The following CAP2 variants were observed in gnomAD, a reference collection of about 807,000 sequenced individuals.
CAP2 encodes cyclase associated actin cytoskeleton regulatory protein 2, also known as adenylyl cyclase-associated protein 2.
Under a neutral mutation model 57.7 loss-of-function variants are expected in CAP2, and 24 were observed. The ratio of observed to expected loss-of-function variants is 0.42; its 90% CI spans 0.30 to 0.58. The LOEUF (loss-of-function observed/expected upper bound fraction) is 0.58. Ranked by LOEUF, CAP2 falls within the 20% of genes least tolerant of loss-of-function variation. CAP2 has a pLI of 0.22. For missense variants in CAP2, 501 were observed against 590.3 expected (o/e 0.85, Z 1.57); for synonymous variants, 194 against 207.2 (o/e 0.94, Z 0.55).
intron 6 of CAP2, among the ~76,000 whole-genome samples, chr6:17,511,635 G>C (rs1012240701): frequency 1.3e-5 from 2 of 152,024 alleles, no homozygotes; most frequent in African/African-American, 4.8e-5. Flanking sequence ...TGCATTTTTA[G>C]TGGAGACGGA....
intron 7 of CAP2, among the ~76,000 whole-genome samples, chr6:17,532,765 A>C (rs1762678230): frequency 7.5e-6 from 1 of 134,132 alleles, no homozygotes; most frequent in South Asian, 2.5e-4. Context: ...ACACACACAA[A>C]AAAAACTGGA....
Position 17,556,460 on chromosome 6 carries a change from C to T in CAP2, c.*18C>T, listed in dbSNP as rs575654265. 5 of 1,546,230 alleles carry T rather than the reference C, an allele frequency of 3.2e-6. No homozygotes were observed. In the South Asian group the frequency reaches 5.6e-5, roughly 17 times the overall value. On this transcript the variant is annotated 3_prime_UTR_variant, in exon 13 of 13. Transcript: ENST00000229922. ...TGGCCTAACTTCCTGAGAGACCGAA[C>T]CCCCTCACCTGAATCCCCCTCTATC...
intron 1 of CAP2, among the ~76,000 whole-genome samples, chr6:17,417,325 G>T (rs1221346483): frequency 6.7e-6 from 1 of 149,514 alleles, no homozygotes; most frequent in African/African-American, 2.5e-5. Context: ...ACTCAGGCTG[G>T]AGTGCAGTGG....
At chr6:17,536,893 C>T (rs1224030535) in intron 7 of CAP2, among the ~76,000 whole-genome samples, 5 of 152,144 alleles carry the variant, frequency 3.3e-5, no homozygotes, top group Non-Finnish European at 7.4e-5. Context: ...AGAGCAAATT[C>T]TCAAATTTTA....
intron 2 of CAP2, among the ~76,000 whole-genome samples, chr6:17,425,520 CTGTT>C (rs903608820): frequency 6.6e-6 from 1 of 152,120 alleles, no homozygotes; most frequent in African/African-American, 2.4e-5. Flanking sequence ...ATCTTGGTAA[CTGTT>C]TGTAAGGTCA....
rs1759275115 is a variant in CAP2 at position 17,416,361 on chromosome 6, A to G, written c.-1-5194A>G. Among the ~76,000 whole-genome samples, 3 of 152,152 alleles carry G rather than the reference A, an allele frequency of 2.0e-5. No homozygotes were observed. The South Asian group carries it at 6.2e-4, about 32-fold the overall frequency. On this transcript the variant is annotated intron_variant, in intron 1 of 12. Coordinates refer to ENST00000229922, the MANE Select transcript of CAP2 (RefSeq NM_006366.3). ...TGGGATGACTTAATAGCTGCAGCGA[A>G]CGTTCATTATGACCATGTTCCAGAC...
At chr6:17,541,742 G>A (rs566535243) in intron 9 of CAP2, among the ~76,000 whole-genome samples, 4 of 152,108 alleles carry the variant, frequency 2.6e-5, no homozygotes, top group Admixed American at 1.3e-4. Flanking sequence ...CTCTGCTGTC[G>A]AATTAGAATT....
At chr6:17,456,067 A>G (rs1199217384) in intron 3 of CAP2, among the ~76,000 whole-genome samples, 2 of 152,254 alleles carry the variant, frequency 1.3e-5, no homozygotes, top group African/African-American at 2.4e-5. Context: ...TATATGAGGT[A>G]TCATTTAGGC....
intron 3 of CAP2, among the ~76,000 whole-genome samples, chr6:17,430,811 A>G (rs1276498542): frequency 1.3e-5 from 2 of 152,226 alleles, no homozygotes; most frequent in African/African-American, 2.4e-5. Context: ...TGCTGGGATT[A>G]TAGGCGTGAG....
At chr6:17,401,552 C>T (rs974441212) in intron 1 of CAP2, among the ~76,000 whole-genome samples, 8 of 152,100 alleles carry the variant, frequency 5.3e-5, no homozygotes, top group Admixed American at 4.6e-4. Flanking sequence ...GCAGGAAAAC[C>T]AAATGTCTGG....
chr6:17,494,557 A>AC (rs1182412130), intron 4 of CAP2, among the ~76,000 whole-genome samples: 1 of 151,096 alleles, frequency 6.6e-6, no homozygotes, highest in Non-Finnish European at 1.5e-5. Context: ...GTGGGAACCC[A>AC]CCCCCCATAT....
intron 4 of CAP2, among the ~76,000 whole-genome samples, chr6:17,471,599 G>C (rs1410368197): frequency 6.6e-6 from 1 of 152,170 alleles, no homozygotes; most frequent in Non-Finnish European, 1.5e-5. Context: ...TTGGGAGTCC[G>C]AGGCGGGCGG....
chr6:17,398,940 GT>G (rs1193249896), intron 1 of CAP2, among the ~76,000 whole-genome samples: 5 of 152,236 alleles, frequency 3.3e-5, no homozygotes, highest in Non-Finnish European at 7.4e-5. Context: ...CTGAAACTTT[GT>G]ACCCACTAAA....
chr6:17,537,899 T>C (rs1762810487), intron 7 of CAP2, among the ~76,000 whole-genome samples: 1 of 152,006 alleles, frequency 6.6e-6, no homozygotes, highest in Non-Finnish European at 1.5e-5. Context: ...AAACCCTGTG[T>C]CTACTAAAGA....
At chr6:17,485,877 G>C (rs1323509279) in intron 4 of CAP2, among the ~76,000 whole-genome samples, 4 of 152,210 alleles carry the variant, frequency 2.6e-5, no homozygotes, top group African/African-American at 9.6e-5. Context: ...CTGAGGATGA[G>C]GAGGGGAAGG....
chr6:17,467,827 CTTCG>C (rs1760908804), intron 4 of CAP2, among the ~76,000 whole-genome samples: 1 of 152,114 alleles, frequency 6.6e-6, no homozygotes, highest in Non-Finnish European at 1.5e-5. Flanking sequence ...CCGGCCTACT[CTTCG>C]TTATTTTAAA....
chr6:17,554,100 T>G (rs1419767871), intron 12 of CAP2, among the ~76,000 whole-genome samples: 1 of 152,178 alleles, frequency 6.6e-6, no homozygotes, highest in South Asian at 2.1e-4. Flanking sequence ...CCTTTTATTT[T>G]ATTTATTTGT....
At chr6:17,515,159 T>C (rs1008408569) in intron 7 of CAP2, among the ~76,000 whole-genome samples, 5 of 151,284 alleles carry the variant, frequency 3.3e-5, no homozygotes, top group Non-Finnish European at 7.4e-5. Flanking sequence ...ATAGTGCCAC[T>C]GTACTTCAGC....
At chr6:17,492,762 C>T (rs904107704) in intron 4 of CAP2, among the ~76,000 whole-genome samples, 4 of 152,160 alleles carry the variant, frequency 2.6e-5, no homozygotes, top group African/African-American at 9.7e-5. Context: ...TCCTCTGACC[C>T]CTTTGTACTG....
Sources: allele counts gnomAD v4.1 joint callset (sites outside exome capture counted in the v4.1 genomes callset), GRCh38; gene constraint gnomAD v4.1.1; transcripts MANE v1.5; gene names NCBI Gene and HGNC (gene_info 2026-07-23, HGNC 2026-07-21).